Variants in PLXNA1 observed in about 807,000 individuals in gnomAD.
The protein encoded by PLXNA1 is plexin A1.
Under a neutral mutation model 191.7 loss-of-function variants are expected in PLXNA1, and 77 were observed. The observed-to-expected ratio is 0.40, with a 90% CI of 0.33 to 0.49. The LOEUF is 0.49. PLXNA1 is among the 20% of genes least tolerant of loss of function. The pLI, the probability that PLXNA1 is intolerant of heterozygous loss-of-function variation, is 0.63. For missense variants in PLXNA1, 2,110 were observed against 2,660.2 expected, an observed-to-expected ratio of 0.79 and a Z score of 4.55; for synonymous variants, 1,137 against 1,156.4, an observed-to-expected ratio of 0.98 and a Z score of 0.34.
chr3:127,009,900 G>T (rs1255450566), intron 9 of PLXNA1, among the ~76,000 whole-genome samples: 1 of 152,240 alleles, frequency 6.6e-6, no homozygotes, highest in Admixed American at 6.5e-5. Context: ...CATGAGACAC[G>T]CTGAGAAGTC....
chr3:127,029,549 G>C lies in PLXNA1; in HGVS notation c.4870+13G>C, dbSNP rs761027007. The C allele has an allele frequency of 2.5e-6, 4 of 1,612,470 alleles. No individual in the cohort carries two copies. The highest frequency in any genetic ancestry group is 3.4e-6 in the Non-Finnish European group (4 of 1,178,994). On this transcript the variant is annotated intron_variant, in intron 27 of 31. Transcript: ENST00000393409. ...CTCAGCAGATACGGTGAGGGGCCAG[G>C]CAGCGGGCGAGAGGGCAGCGCATGG... is the stretch of plus-strand genomic sequence containing the variant.
At chr3:126,983,565 T>A (rs2107618222) in intron 1 of PLXNA1, among the ~76,000 whole-genome samples, 1 of 145,690 alleles carries the variant, frequency 6.9e-6, no homozygotes, top group East Asian at 2.0e-4. Flanking sequence ...CGCACCCCCG[T>A]GCGGCGGGGC....
In PLXNA1 at chr3:127,029,536, G is replaced by A. The variant is rs770051854; in HGVS notation, c.4870G>A (p.Glu1624Lys). 2.5e-6 allele frequency: 4 copies of A among 1,613,604 alleles called. No individual in the cohort carries two copies. Among genetic ancestry groups the A allele is most frequent in the Non-Finnish European group, 3.4e-6 (4 of 1,179,812 alleles). Residue 1624 changes from glutamate to lysine, a missense_variant and splice_region_variant, in exon 27 of 32, where the codon GAG becomes AAG. By Grantham distance (56) the Glu-to-Lys change is moderately conservative (BLOSUM62 1). Around this residue, in one of 4 missense-constraint regions of PLXNA1, gnomAD observed 559 missense variants for 911.5 expected, o/e 0.61. Coordinates refer to ENST00000393409, the MANE Select transcript of PLXNA1 (RefSeq NM_032242.4). ...CTTCACCAAGTCCCTCAGCAGATAC[G>A]GTGAGGGGCCAGGCAGCGGGCGAGA... The part of the protein sequence containing the change: ...STFTKSLSRY[E>K]SMLRTASSPD...
chr3:127,025,072 C>A (rs958625633), intron 23 of PLXNA1, among the ~76,000 whole-genome samples: 2 of 152,250 alleles, frequency 1.3e-5, no homozygotes, highest in African/African-American at 4.8e-5. Flanking sequence ...CAGGAGACAT[C>A]TTCACCACCC....
At position 127,014,265 on chromosome 3, in the gene PLXNA1, G is replaced by A. The variant is rs544321147; in HGVS notation, c.2494G>A (p.Val832Met). Residue 832 changes from valine (V) to methionine (M), a missense_variant, in exon 12 of 32, where the codon GTG (valine) becomes ATG (methionine). Val to Met is a conservative substitution (Grantham distance 21). Around this residue, in one of 4 missense-constraint regions of PLXNA1, gnomAD observed 644 missense variants for 714.3 expected, o/e 0.90. Transcript: ENST00000393409. ...CCCGCGCTTCGAGTGCGGATGGTGC[G>A]TGGCCGAGCGCCGCTGCTCCCTGCG... ...ADPRFECGWC[V>M]AERRCSLRHH... The A allele has an allele frequency of 2.0e-4, 325 of 1,597,262 alleles. 2 individuals are homozygous for A. The South Asian group carries it at 2.2e-3, about 11-fold the overall frequency.
intron 15 of PLXNA1, 106 bp downstream of exon 15, chr3:127,015,426 C>A: frequency 2.9e-6 from 4 of 1,403,488 alleles, no homozygotes; most frequent in Non-Finnish European, 2.9e-6. Context: ...GAGAGCCTGG[C>A]TGGGGTGATC....
intron 9 of PLXNA1, 31 bp from the exon 10 acceptor site, chr3:127,011,927 C>T (rs748753507): frequency 8.1e-6 from 13 of 1,600,874 alleles, no homozygotes; most frequent in Non-Finnish European, 1.1e-5. Context: ...GTCTCCGCCC[C>T]CGGGCTCAGC....
chr3:126,999,353 C>T (rs980664848), intron 3 of PLXNA1, among the ~76,000 whole-genome samples: 19 of 152,218 alleles, frequency 1.2e-4, no homozygotes, highest in African/African-American at 4.6e-4. Flanking sequence ...CTTGTCCTGT[C>T]CTTCTCCCAG....
rs1456476657 is a variant in PLXNA1, at chr3:127,007,892, G to A, written c.2091G>A (p.Glu697=). 7 of 1,611,434 alleles carry A rather than the reference G, an allele frequency of 4.3e-6. 1 individual carries two copies. The highest frequency in any genetic ancestry group is 2.2e-5 in the East Asian group (1 of 44,758). Reference sequence around the variant, plus strand: ...ACGTGGCTGACTGCGCCTTCCTGGAGGGCCGTGTCAACGTGTCTGAGGTAA... The same window carrying A: ...ACGTGGCTGACTGCGCCTTCCTGGAAGGCCGTGTCAACGTGTCTGAGGTAA... ...THNVADCAFL[E]GRVNVSEDCP... is the part of the protein sequence containing the mutation. The change falls in exon 9 of 32, where the codon GAG becomes GAA. Residue 697 remains glutamate (E), a synonymous_variant. Transcript: ENST00000393409.
chr3:126,993,617 A>G (rs1401674646), intron 3 of PLXNA1, among the ~76,000 whole-genome samples: 1 of 151,912 alleles, frequency 6.6e-6, no homozygotes, highest in African/African-American at 2.4e-5. Flanking sequence ...GCCTCCCTCC[A>G]CCCCCAAACA....
Position 126,989,461 on chromosome 3 carries a change from C to T in PLXNA1, c.868C>T (p.Pro290Ser). Residue 290 changes from proline to serine, a missense_variant, in exon 2 of 32, where the codon CCC becomes TCC. This residue lies in a region of PLXNA1 where 903 missense variants were observed against 1,015.7 expected (regional missense o/e 0.89). Transcript: ENST00000393409. The stretch of plus-strand genomic sequence containing the variant: ...GATCGTGCGGCTCTGTGTGGACGAC[C>T]CCAAATTCTACTCGTACGTTGAGTT... Reference protein sequence around the residue: ...SKIVRLCVDDPKFYSYVEFPI... With the variant: ...SKIVRLCVDDSKFYSYVEFPI... 1 of 1,613,694 alleles carries T rather than the reference C, an allele frequency of 6.2e-7. No homozygotes were observed. Among genetic ancestry groups the T allele is most frequent in the South Asian group, 1.1e-5 (1 of 91,082 alleles).
At chr3:127,012,196 G>T in intron 10 of PLXNA1, 38 bp downstream of exon 10, 1 of 1,589,388 alleles carries the variant, frequency 6.3e-7, no homozygotes, top group Non-Finnish European at 8.6e-7. Flanking sequence ...GCCGTGAGCC[G>T]GAATGGGCCG....
chr3:127,014,531 C>A lies in PLXNA1; in HGVS notation c.2658C>A (p.Gly886=), dbSNP rs761553881. The change falls in exon 13 of 32, where the codon GGC becomes GGA. Residue 886 remains glycine, a synonymous_variant. Transcript: ENST00000393409. ...GCGGCACGCGGCTCACTATCACAGG[C>A]GAGAACCTGGGCCTGCGATTCGAAG... ...RQGGTRLTIT[G]ENLGLRFEDV... is the part of the protein sequence containing the mutation. 5.9e-5 allele frequency: 95 copies of A among 1,610,398 alleles called. 1 individual carries two copies. In the South Asian group the frequency reaches 1.0e-3, roughly 17 times the overall value.
chr3:127,010,857 C>T (rs902234444), intron 9 of PLXNA1, among the ~76,000 whole-genome samples: 1 of 152,224 alleles, frequency 6.6e-6, no homozygotes, highest in African/African-American at 2.4e-5. Context: ...CTGGGCTCCT[C>T]TGGGCATTTT....
intron 15 of PLXNA1, among the ~76,000 whole-genome samples, chr3:127,016,238 G>A (rs749756315): frequency 8.5e-5 from 13 of 152,098 alleles, no homozygotes; most frequent in Non-Finnish European, 1.9e-4. Context: ...GGGTGTGGGC[G>A]ACAGGGAGGC....
chr3:127,015,454 CG>C, intron 15 of PLXNA1, 134 bp downstream of exon 15: 1 of 1,203,450 alleles, frequency 8.3e-7, no homozygotes. Flanking sequence ...AACCCAGAGG[CG>C]GAGGTTACCA....
At chr3:127,023,522 G>A (rs1021312673) in intron 23 of PLXNA1, among the ~76,000 whole-genome samples, 3 of 152,206 alleles carry the variant, frequency 2.0e-5, no homozygotes, top group African/African-American at 4.8e-5. Flanking sequence ...GGTCCCTGTC[G>A]CTGCTCTGTG....
intron 8 of PLXNA1, among the ~76,000 whole-genome samples, chr3:127,006,972 G>A (rs530443899): frequency 3.9e-5 from 6 of 152,318 alleles, no homozygotes; most frequent in African/African-American, 1.4e-4. Context: ...GTATGCTTTT[G>A]TTTGTTGACT....
At position 126,983,293 on chromosome 3, in the gene PLXNA1, T is replaced by G. The variant is rs2078939785; in HGVS notation, c.-74+6T>G. On this transcript the variant is annotated splice_donor_region_variant and intron_variant, in intron 1 of 31. Coordinates refer to ENST00000393409, the MANE Select transcript of PLXNA1 (RefSeq NM_032242.4). The stretch of plus-strand genomic sequence containing the variant: ...GGCGCGCCCCGGGGCGGCGGGTGAG[T>G]CGGGGCGCAACTTTCCCCGCGGCGC... Among the ~76,000 whole-genome samples, 1 of 133,936 alleles carries G rather than the reference T, an allele frequency of 7.5e-6. No individual in the cohort carries two copies. The highest frequency in any genetic ancestry group is 1.6e-5 in the Non-Finnish European group (1 of 61,832). 87.9% of individuals were successfully genotyped at this position (133,936 alleles called of 152,430 possible).
Sources: gnomAD v4.1 joint callset for allele counts (sites outside exome capture counted in the v4.1 genomes callset) on GRCh38, gnomAD v4.1.1 for gene constraint, gnomAD v4.1.1 regional missense constraint, MANE v1.5 for transcripts, NCBI Gene and HGNC (gene_info 2026-07-23, HGNC 2026-07-21) for gene names.